The following CNTN4 variants were observed in gnomAD, a reference collection of about 807,000 sequenced individuals.
CNTN4 encodes contactin-4.
In CNTN4, 77 loss-of-function variants were observed where a neutral mutation model predicts 122.5. The observed-to-expected ratio is 0.63, with a 90% confidence interval of 0.52 to 0.76. The LOEUF (loss-of-function observed/expected upper bound fraction) is 0.76, where lower values mean the gene tolerates loss of function less well. CNTN4 is among the 30% of genes least tolerant of loss of function. The probability of loss-of-function intolerance (pLI) is 0.00; values close to 1 mark genes in which losing one functional copy is unlikely to be tolerated. For synonymous variants in CNTN4, 512 were observed against 447.0 expected, an observed-to-expected ratio of 1.15 and a Z score of -1.83; for missense variants, 1,256 against 1,259.1, an observed-to-expected ratio of 1.00 and a Z score of 0.04.
intron 12 of CNTN4, among the ~76,000 whole-genome samples, chr3:2,907,512 G>T (rs1298434387): frequency 2.7e-5 from 4 of 150,698 alleles, no homozygotes; most frequent in African/African-American, 4.9e-5. Context: ...GGCAAAGGTT[G>T]CAGTCAGCTA....
chr3:2,183,336 C>T (rs905231980), intron 2 of CNTN4, among the ~76,000 whole-genome samples: 11 of 152,088 alleles, frequency 7.2e-5, no homozygotes, highest in South Asian at 6.2e-4. Flanking sequence ...ATGTACTTCA[C>T]GGGAAATTTT....
chr3:2,417,145 T>C (rs1237825445), intron 3 of CNTN4, among the ~76,000 whole-genome samples: 2 of 152,188 alleles, frequency 1.3e-5, no homozygotes, highest in Non-Finnish European at 2.9e-5. Flanking sequence ...CACATCTGCT[T>C]TTCATTTAGC....
chr3:2,624,386 T>C (rs2082103097), intron 4 of CNTN4, among the ~76,000 whole-genome samples: 2 of 152,110 alleles, frequency 1.3e-5, no homozygotes, highest in African/African-American at 4.8e-5. Context: ...ATTTCTACTT[T>C]GATATATTCA....
intron 23 of CNTN4, among the ~76,000 whole-genome samples, chr3:3,045,094 G>C (rs1212057955): frequency 6.6e-6 from 1 of 152,222 alleles, no homozygotes; most frequent in Non-Finnish European, 1.5e-5. Context: ...GGGGGAGGGG[G>C]CGCCTGCCAT....
chr3:2,140,729 G>T (rs1480900756), intron 2 of CNTN4, among the ~76,000 whole-genome samples: 2 of 152,180 alleles, frequency 1.3e-5, no homozygotes, highest in Non-Finnish European at 2.9e-5. Flanking sequence ...CTAGGTATAT[G>T]TAAAAGCATG....
intron 8 of CNTN4, among the ~76,000 whole-genome samples, chr3:2,875,938 C>T (rs9882169): frequency 6.6e-6 from 1 of 152,014 alleles, no homozygotes; most frequent in Non-Finnish European, 1.5e-5. Flanking sequence ...TTCAGGAAAA[C>T]CAGTACCGTC....
chr3:2,551,987 A>G (rs1373956516), intron 3 of CNTN4, among the ~76,000 whole-genome samples: 1 of 152,206 alleles, frequency 6.6e-6, no homozygotes, highest in Non-Finnish European at 1.5e-5. Flanking sequence ...ACTTAAAACA[A>G]GATACCTTTT....
At position 3,056,537 on chromosome 3, in the gene CNTN4, A is replaced by G. The variant is rs548102051; in HGVS notation, c.*317A>G. The G allele has an allele frequency of 5.8e-5, 10 of 170,950 alleles. No homozygotes were observed. The South Asian group carries it at 1.6e-3, about 27-fold the overall frequency. The allele number at this position is 170,950 out of a possible 1,614,324, so 10.6% of individuals were successfully genotyped here. ...TTTTATAGAATTTTTTAAAGTTAAC[A>G]TATAATGTAGATATTAATTTTTTCC... On this transcript the variant is annotated 3_prime_UTR_variant, in exon 25 of 25. Coordinates refer to ENST00000418658, the MANE Select transcript of CNTN4 (RefSeq NM_175607.3).
intron 12 of CNTN4, among the ~76,000 whole-genome samples, chr3:2,913,908 T>A (rs1266350852): frequency 1.3e-5 from 2 of 152,184 alleles, no homozygotes; most frequent in African/African-American, 4.8e-5. Context: ...TATGTTAGGG[T>A]ACAAATAAGT....
At chr3:2,454,955 A>G (rs2048943309) in intron 3 of CNTN4, among the ~76,000 whole-genome samples, 1 of 152,188 alleles carries the variant, frequency 6.6e-6, no homozygotes. Context: ...TAGAGCTAAA[A>G]GATAAAAGAG....
intron 7 of CNTN4, among the ~76,000 whole-genome samples, chr3:2,827,863 T>G (rs2093020369): frequency 6.6e-6 from 1 of 152,200 alleles, no homozygotes; most frequent in Non-Finnish European, 1.5e-5. Flanking sequence ...CTGAGAATAT[T>G]TTTAATAGAC....
chr3:2,898,136 C>T (rs914675986), intron 10 of CNTN4, among the ~76,000 whole-genome samples: 10 of 152,096 alleles, frequency 6.6e-5, no homozygotes, highest in Admixed American at 2.6e-4. Context: ...GGAGTGAAAA[C>T]GTTTACTACA....
chr3:2,799,980 C>T (rs561963083), intron 6 of CNTN4, among the ~76,000 whole-genome samples: 129 of 151,802 alleles, frequency 8.5e-4, no homozygotes, highest in African/African-American at 2.9e-3. Context: ...CTATTCTAGT[C>T]TCTTGATCTA....
At chr3:2,606,075 G>A (rs2081245838) in intron 4 of CNTN4, among the ~76,000 whole-genome samples, 1 of 152,092 alleles carries the variant, frequency 6.6e-6, no homozygotes, top group African/African-American at 2.4e-5. Flanking sequence ...CACATGTAGT[G>A]CAAGGATCCT....
intron 10 of CNTN4, among the ~76,000 whole-genome samples, chr3:2,898,079 T>G (rs7639614): frequency 0.097 from 14,837 of 152,210 alleles, 785 homozygotes; most frequent in South Asian, 0.12. Flanking sequence ...TATTCTAGTT[T>G]GAAAAACTCA....
At chr3:2,818,261 C>T (rs568142198) in intron 6 of CNTN4, among the ~76,000 whole-genome samples, 1 of 152,200 alleles carries the variant, frequency 6.6e-6, no homozygotes, top group Non-Finnish European at 1.5e-5. Flanking sequence ...CCAGAAGAAT[C>T]TGGTAATTAA....
At chr3:2,926,613 A>G (rs1429164827) in intron 13 of CNTN4, among the ~76,000 whole-genome samples, 2 of 152,182 alleles carry the variant, frequency 1.3e-5, no homozygotes, top group South Asian at 2.1e-4. Flanking sequence ...AATTAATGCT[A>G]AAGGTCAGGT....
chr3:2,718,455 C>G (rs9310831), intron 4 of CNTN4, among the ~76,000 whole-genome samples: 25,520 of 152,116 alleles, frequency 0.17, 2,227 homozygotes, highest in African/African-American at 0.2. Flanking sequence ...TCAGATCCTA[C>G]TTCAGGATGC....
chr3:2,955,902 A>G (rs921786067), intron 13 of CNTN4, among the ~76,000 whole-genome samples: 2 of 152,240 alleles, frequency 1.3e-5, no homozygotes, highest in African/African-American at 4.8e-5. Context: ...CAAAAAAATT[A>G]AAAGTAGAAT....
Sources: allele counts gnomAD v4.1 joint callset (sites outside exome capture counted in the v4.1 genomes callset), GRCh38; gene constraint gnomAD v4.1.1; transcripts MANE v1.5; gene names NCBI Gene and HGNC (gene_info 2026-07-23, HGNC 2026-07-21).